The following CYP4F2 variants were observed in gnomAD, a reference collection of about 807,000 sequenced individuals.
The protein encoded by CYP4F2 is cytochrome P450 4F2.
In CYP4F2, 58 loss-of-function variants were observed where a neutral mutation model predicts 58.9. The ratio of observed to expected loss-of-function variants is 0.98; its 90% CI spans 0.80 to 1.23. CYP4F2 has a LOEUF of 1.23. Among genes scored for constraint, CYP4F2 ranks in the 50% most tolerant of loss-of-function variants. The pLI is 0.00. For synonymous variants in CYP4F2, 287 were observed against 261.1 expected, an observed-to-expected ratio of 1.10 and a Z score of -0.95; for missense variants, 616 against 685.6, an observed-to-expected ratio of 0.90 and a Z score of 1.13.
intron 3 of CYP4F2, 114 bp downstream of exon 3, chr19:15,895,392 G>T: frequency 7.7e-7 from 1 of 1,292,740 alleles, no homozygotes; most frequent in Non-Finnish European, 1.0e-6. Flanking sequence ...GATGAAGATA[G>T]CTGAGAGGGA....
At chr19:15,886,197 G>A (rs375076879) in intron 8 of CYP4F2, 45 bp downstream of exon 8, 1 of 1,613,176 alleles carries the variant, frequency 6.2e-7, no homozygotes, top group African/African-American at 1.3e-5. Flanking sequence ...TTCCTGGAAG[G>A]GAGAGATCCC....
In CYP4F2 at chr19:15,892,329, C is replaced by T. The variant is rs1264602077; in HGVS notation, c.505G>A (p.Glu169Lys). The part of the protein sequence containing the change: ...ILKPYMKIFN[E>K]SVNIMHAKWQ... ...CTCACGTGCATGATGTTCACACTCTCATTGAAAATCTTCATATAGGGCTTC... is the reference window on the plus strand; with the variant it reads ...CTCACGTGCATGATGTTCACACTCTTATTGAAAATCTTCATATAGGGCTTC... The change falls in exon 5 of 13, where the codon GAG (glutamate) becomes AAG (lysine). Residue 169 changes from glutamate (E) to lysine (K), a missense_variant. Glu to Lys is a moderately conservative substitution (Grantham distance 56, BLOSUM62 1). Transcript: ENST00000221700. 6.2e-7 allele frequency: 1 copy of T among 1,614,056 alleles called. No homozygotes were observed. The highest frequency in any genetic ancestry group is 1.7e-5 in the Admixed American group (1 of 60,010).
rs147393906 is a variant in CYP4F2 at position 15,880,200 on chromosome 19, G to GA, written c.1116-304dup. The stretch of plus-strand genomic sequence containing the variant: ...ACTGATGGATTTTACAGTTGTAAAA[G>GA]AAAAAAGTGGATCAATTTAACTTCA... On this transcript the variant is annotated intron_variant, in intron 9 of 12. Coordinates refer to ENST00000221700, the MANE Select transcript of CYP4F2 (RefSeq NM_001082.5). 2.3e-3 allele frequency among the ~76,000 whole-genome samples: 344 copies of GA among 151,904 alleles called. 8 individuals carry two copies. The East Asian group carries it at 0.043, about 19-fold the overall frequency.
chr19:15,891,652 A>T (rs957302895), intron 5 of CYP4F2, among the ~76,000 whole-genome samples: 1 of 152,154 alleles, frequency 6.6e-6, no homozygotes, highest in African/African-American at 2.4e-5. Flanking sequence ...GGTGAAAATG[A>T]TGAGTTAATA....
At chr19:15,891,167 A>G (rs772271618) in intron 5 of CYP4F2, among the ~76,000 whole-genome samples, 11 of 152,186 alleles carry the variant, frequency 7.2e-5, no homozygotes, top group Non-Finnish European at 1.5e-4. Context: ...TTTGAGGGAT[A>G]AGGTAAAGAC....
At chr19:15,883,072 A>G (rs1365412640) in intron 9 of CYP4F2, among the ~76,000 whole-genome samples, 1 of 152,184 alleles carries the variant, frequency 6.6e-6, no homozygotes, top group African/African-American at 2.4e-5. Flanking sequence ...CCAGGCAAAG[A>G]TTTTCTGTGT....
intron 5 of CYP4F2, among the ~76,000 whole-genome samples, chr19:15,890,870 C>CA (rs1423899054): frequency 6.6e-6 from 1 of 152,122 alleles, no homozygotes; most frequent in Admixed American, 6.5e-5. Flanking sequence ...TACCATGGGG[C>CA]AAAAATACAT....
At position 15,883,931 on chromosome 19, in the gene CYP4F2, C is replaced by G. The variant is rs144608647; in HGVS notation, c.1115+1993G>C. On this transcript the variant is annotated intron_variant, in intron 9 of 12. Coordinates refer to ENST00000221700, the MANE Select transcript of CYP4F2 (RefSeq NM_001082.5). Reference sequence around the variant, plus strand: ...AAAATTAGCCAGGCATGGTGGTGTGCACCCATAGTCCCAGCTGCTTGGGAG... The same window carrying G: ...AAAATTAGCCAGGCATGGTGGTGTGGACCCATAGTCCCAGCTGCTTGGGAG... Among the ~76,000 whole-genome samples, 296 of 152,214 alleles carry G rather than the reference C, an allele frequency of 1.9e-3. 1 individual carries two copies. Among genetic ancestry groups the G allele is most frequent in the African/African-American group, 6.4e-3 (265 of 41,536 alleles).
Position 15,878,909 on chromosome 19 carries a change from C to A in CYP4F2, c.1425G>T (p.Met475Ile). The A allele has an allele frequency of 1.2e-6, 2 of 1,613,962 alleles. No individual in the cohort carries two copies. Among genetic ancestry groups the A allele is most frequent in the Non-Finnish European group, 1.7e-6 (2 of 1,179,948 alleles). The change falls in exon 13 of 13, where the codon ATG becomes ATT. Residue 475 changes from methionine to isoleucine, a missense_variant. Transcript: ENST00000221700. ...GCGCCAGGACCACCTTCATCTCCGC[C>A]ATCGCGAACGTCTGCCCGATGCAGT... ...PRNCIGQTFA[M>I]AEMKVVLALT...
At chr19:15,885,670 C>T (rs904211546) in intron 9 of CYP4F2, among the ~76,000 whole-genome samples, 3 of 72,914 alleles carry the variant, frequency 4.1e-5, no homozygotes, top group East Asian at 2.6e-4. Context: ...TTGCTGAACA[C>T]GTCTAAGTGG....
chr19:15,879,657 G>A lies in CYP4F2; in HGVS notation c.1261C>T (p.Leu421Phe), dbSNP rs1209514655. The change falls in exon 11 of 13, where the codon CTC becomes TTC. Residue 421 changes from leucine (L) to phenylalanine (F), a missense_variant. Transcript: ENST00000221700. ...GRVIPKGIIC[L>F]ISVFGTHHNP... is the part of the protein sequence containing the mutation. Reference sequence around the variant, plus strand: ...TGATGGGTTCCGAAAACACTGATGAGGCAGATAATGCCTGTGGGAGAGAAG... The same window carrying A: ...TGATGGGTTCCGAAAACACTGATGAAGCAGATAATGCCTGTGGGAGAGAAG... 7.4e-6 allele frequency: 12 copies of A among 1,614,178 alleles called. No homozygotes were observed. In the East Asian group the frequency reaches 8.9e-5, roughly 12 times the overall value.
rs781477917 is a variant in CYP4F2, at chr19:15,897,506, C to T, written c.106G>A (p.Ala36Thr). The change falls in exon 2 of 13, where the codon GCC becomes ACC. Residue 36 changes from alanine (A) to threonine (T), a missense_variant. Coordinates refer to ENST00000221700, the MANE Select transcript of CYP4F2 (RefSeq NM_001082.5). ...TTGTCATAGAAGGCGTAGGTCCAGG[C>T]CAGGACATGGGCCAGGAGCCAGGAG... ...GASWLLAHVL[A>T]WTYAFYDNCR... 8.7e-6 allele frequency: 14 copies of T among 1,614,060 alleles called. No homozygotes were observed. The highest frequency in any genetic ancestry group is 1.1e-5 in the Non-Finnish European group (13 of 1,180,000).
At chr19:15,896,573 C>T (rs1166832188) in intron 2 of CYP4F2, among the ~76,000 whole-genome samples, 1 of 152,196 alleles carries the variant, frequency 6.6e-6, no homozygotes, top group Non-Finnish European at 1.5e-5. Flanking sequence ...TCCACAGAGG[C>T]TCCAGTTCCT....
At chr19:15,894,804 G>A (rs564090480) in intron 3 of CYP4F2, among the ~76,000 whole-genome samples, 16 of 152,260 alleles carry the variant, frequency 1.1e-4, no homozygotes, top group African/African-American at 3.9e-4. Context: ...CAAGGAAAGG[G>A]ACCCAAGCTG....
intron 9 of CYP4F2, among the ~76,000 whole-genome samples, chr19:15,883,405 G>A (rs1035198651): frequency 1.3e-5 from 2 of 152,090 alleles, no homozygotes; most frequent in Non-Finnish European, 2.9e-5. Context: ...TCAGAGAAAT[G>A]CAAATCAAAA....
rs201106180 is a variant in CYP4F2, at chr19:15,897,494, C to T, written c.118G>A (p.Ala40Thr). ...AGGCGGCGGCAGTTGTCATAGAAGG[C>T]GTAGGTCCAGGCCAGGACATGGGCC... is the stretch of plus-strand genomic sequence containing the variant. The part of the protein sequence containing the change: ...LLAHVLAWTY[A>T]FYDNCRRLRC... The change falls in exon 2 of 13, where the codon GCC becomes ACC. Residue 40 changes from alanine (A) to threonine (T), a missense_variant. Transcript: ENST00000221700. The T allele has an allele frequency of 2.2e-4, 352 of 1,614,000 alleles. 2 individuals are homozygous for T. Among genetic ancestry groups the T allele is most frequent in the South Asian group, 1.7e-3 (151 of 91,066 alleles).
intron 7 of CYP4F2, 136 bp from the exon 8 acceptor site, chr19:15,886,444 T>C: frequency 8.8e-7 from 1 of 1,136,126 alleles, no homozygotes; most frequent in Non-Finnish European, 1.3e-6. Flanking sequence ...CATCTTGCAC[T>C]CCTAGACCCC....
rs752561177 is a variant in CYP4F2 at position 15,889,445 on chromosome 19, A to G, written c.896T>C (p.Ile299Thr). ...CACCTTGCTCAGCAGGAGTACATCA[A>G]TGAAGTCCAAAGTCTTGGATTTGGC... The part of the protein sequence containing the change: ...AKAKSKTLDF[I>T]DVLLLSKDED... The change falls in exon 7 of 13, where the codon ATT becomes ACT. Residue 299 changes from isoleucine (I) to threonine (T), a missense_variant. Transcript: ENST00000221700. 6.8e-6 allele frequency: 11 copies of G among 1,614,014 alleles called. No individual in the cohort carries two copies. Among genetic ancestry groups the G allele is most frequent in the East Asian group, 2.2e-5 (1 of 44,874 alleles).
At chr19:15,895,024 C>A (rs1469658892) in intron 3 of CYP4F2, among the ~76,000 whole-genome samples, 1 of 152,180 alleles carries the variant, frequency 6.6e-6, no homozygotes, top group African/African-American at 2.4e-5. Flanking sequence ...GGCAAGGGGC[C>A]TTGAATACTA....
Sources: gnomAD v4.1 joint callset for allele counts (sites outside exome capture counted in the v4.1 genomes callset) on GRCh38, gnomAD v4.1.1 for gene constraint, MANE v1.5 for transcripts, NCBI Gene and HGNC (gene_info 2026-07-23, HGNC 2026-07-21) for gene names.